CEP128: variants seen among roughly 807,000 people sequenced by gnomAD.
CEP128 encodes the protein centrosomal protein 128, also known as centrosomal protein 128kDa.
In CEP128, 132 loss-of-function variants were observed where a neutral mutation model predicts 156.7. The ratio of observed to expected loss-of-function variants is 0.84; its 90% CI spans 0.73 to 0.97. CEP128 has a LOEUF of 0.97. Among genes scored for constraint, CEP128 ranks in the 50% least tolerant of loss-of-function variants. The pLI, the probability that CEP128 is intolerant of heterozygous loss-of-function variation, is 0.00. For missense variants in CEP128, 1,252 were observed against 1,281.9 expected (o/e 0.98, Z 0.36); for synonymous variants, 469 against 448.9 (o/e 1.04, Z -0.57).
intron 13 of CEP128, among the ~76,000 whole-genome samples, chr14:80,805,486 C>A (rs1049038660): frequency 6.6e-6 from 1 of 152,066 alleles, no homozygotes; most frequent in African/African-American, 2.4e-5. Context: ...AACACTAGAG[C>A]AGTTTTATTT....
intron 19 of CEP128, among the ~76,000 whole-genome samples, chr14:80,688,235 G>T (rs1432052274): frequency 6.6e-6 from 1 of 152,082 alleles, no homozygotes. Context: ...AACAAAAAAT[G>T]TTCCCAGATG....
chr14:80,855,444 T>C (rs1887100501), intron 9 of CEP128, among the ~76,000 whole-genome samples: 1 of 152,172 alleles, frequency 6.6e-6, no homozygotes, highest in African/African-American at 2.4e-5. Flanking sequence ...GGATGATCAA[T>C]ACGAGAGTGA....
At chr14:80,885,362 C>T (rs1236369425) in intron 8 of CEP128, among the ~76,000 whole-genome samples, 1 of 152,194 alleles carries the variant, frequency 6.6e-6, no homozygotes, top group Non-Finnish European at 1.5e-5. Flanking sequence ...TCAACAGACA[C>T]CTCATACAGG....
chr14:80,662,961 G>A (rs10134782), intron 19 of CEP128, among the ~76,000 whole-genome samples: 62,228 of 152,020 alleles, frequency 0.41, 13,231 homozygotes, highest in East Asian at 0.65. Flanking sequence ...ATAGTCACTC[G>A]TGGCCAGTTG....
At chr14:80,531,314 A>T (rs773068392) in intron 21 of CEP128, among the ~76,000 whole-genome samples, 2 of 152,226 alleles carry the variant, frequency 1.3e-5, no homozygotes, top group Non-Finnish European at 2.9e-5. Flanking sequence ...TGTTGCCATT[A>T]TAAAGAAGAA....
At position 80,949,390 on chromosome 14, in the gene CEP128, G is replaced by A. The variant is rs191142585; in HGVS notation, c.-172+8788C>T. Among the ~76,000 whole-genome samples, 13 of 152,198 alleles carry A rather than the reference G, an allele frequency of 8.5e-5. No homozygotes were observed. The East Asian group carries it at 1.4e-3, about 16-fold the overall frequency. On this transcript the variant is annotated intron_variant, in intron 2 of 7. Coordinates refer to the CEP128 transcript ENST00000555529. The stretch of plus-strand genomic sequence containing the variant: ...AGAGCTACGTAGAGAGAAAACTTCC[G>A]AGAACTATAAAGGGTCTCCATGGAA...
chr14:80,822,472 A>C, intron 13 of CEP128: 1 of 560,042 alleles, frequency 1.8e-6, no homozygotes, highest in Non-Finnish European at 3.4e-6. Flanking sequence ...TAACCAACCA[A>C]AGCCCGTGCA....
intron 21 of CEP128, among the ~76,000 whole-genome samples, chr14:80,546,712 A>G (rs768572424): frequency 6.6e-6 from 1 of 152,198 alleles, no homozygotes; most frequent in Non-Finnish European, 1.5e-5. Context: ...TAGAAAGCAT[A>G]GGTAGCAGTG....
At chr14:80,900,303 T>C (rs1883471250) in intron 6 of CEP128, among the ~76,000 whole-genome samples, 1 of 152,004 alleles carries the variant, frequency 6.6e-6, no homozygotes, top group African/African-American at 2.4e-5. Flanking sequence ...TCTTCCTTAA[T>C]CAGAGCAAAA....
intron 13 of CEP128, among the ~76,000 whole-genome samples, chr14:80,812,842 C>T (rs1239058361): frequency 7.9e-5 from 12 of 152,154 alleles, no homozygotes; most frequent in African/African-American, 2.9e-4. Flanking sequence ...GGATTACAAG[C>T]GTGAGCCACC....
chr14:80,552,140 C>T (rs12434618), intron 21 of CEP128, among the ~76,000 whole-genome samples: 17,148 of 151,932 alleles, frequency 0.11, 1,158 homozygotes, highest in South Asian at 0.22. Flanking sequence ...GAAACTGAAG[C>T]TACAAAAACC....
chr14:80,833,126 CTATTTGTAAATG>C (rs1885894475), intron 12 of CEP128, among the ~76,000 whole-genome samples: 1 of 151,786 alleles, frequency 6.6e-6, no homozygotes, highest in African/African-American at 2.4e-5. Context: ...ACATATTTAT[CTATTTGTAAATG>C]TATTTGTTTA....
At chr14:80,813,428 T>C (rs1884674649) in intron 13 of CEP128, among the ~76,000 whole-genome samples, 1 of 152,176 alleles carries the variant, frequency 6.6e-6, no homozygotes, top group South Asian at 2.1e-4. Context: ...ATAATTTTTT[T>C]TCAATTATGA....
intron 19 of CEP128, among the ~76,000 whole-genome samples, chr14:80,712,571 C>G (rs567916155): frequency 6.6e-6 from 1 of 152,228 alleles, no homozygotes; most frequent in Non-Finnish European, 1.5e-5. Flanking sequence ...TTCTGGGGTC[C>G]TGAGTACCCA....
At chr14:80,550,210 G>A (rs1890155443) in intron 21 of CEP128, among the ~76,000 whole-genome samples, 2 of 152,138 alleles carry the variant, frequency 1.3e-5, no homozygotes, top group Non-Finnish European at 2.9e-5. Context: ...AGTATGTTTT[G>A]AAAATAAGGG....
chr14:80,598,718 G>A (rs1892447760), intron 19 of CEP128, among the ~76,000 whole-genome samples: 1 of 152,174 alleles, frequency 6.6e-6, no homozygotes, highest in Non-Finnish European at 1.5e-5. Flanking sequence ...CCAATTTCTA[G>A]AGTTATTATG....
intron 2 of CEP128, among the ~76,000 whole-genome samples, chr14:80,929,823 T>C (rs928618725): frequency 2.6e-5 from 4 of 152,288 alleles, no homozygotes; most frequent in East Asian, 1.9e-4. Flanking sequence ...ACTATACGAT[T>C]CATCCATGTA....
intron 19 of CEP128, among the ~76,000 whole-genome samples, chr14:80,584,623 C>T (rs1441857351): frequency 2.0e-5 from 3 of 152,164 alleles, no homozygotes; most frequent in African/African-American, 7.2e-5. Context: ...TTAACCTGTG[C>T]TGATGAAATA....
chr14:80,918,794 T>C (rs1211488701), intron 2 of CEP128, among the ~76,000 whole-genome samples: 1 of 152,092 alleles, frequency 6.6e-6, no homozygotes, highest in African/African-American at 2.4e-5. Context: ...CAAATAATAA[T>C]ATAAAATCTT....
Sources: gnomAD v4.1 joint callset for allele counts (sites outside exome capture counted in the v4.1 genomes callset) on GRCh38, gnomAD v4.1.1 for gene constraint, MANE v1.5 for transcripts, NCBI Gene and HGNC (gene_info 2026-07-23, HGNC 2026-07-21) for gene names.